Variants in ZHX2 observed in about 807,000 individuals in gnomAD.
The protein encoded by ZHX2 is zinc fingers and homeoboxes 2.
Under a neutral mutation model 21.9 loss-of-function variants are expected in ZHX2, and 6 were observed. That is an observed-to-expected ratio of 0.27 (90% CI 0.15 to 0.54). The LOEUF (loss-of-function observed/expected upper bound fraction) is 0.54, where lower values mean the gene tolerates loss of function less well. Among genes scored for constraint, ZHX2 ranks in the 20% least tolerant of loss-of-function variants. The probability of loss-of-function intolerance (pLI) is 0.95; values close to 1 mark genes in which losing one functional copy is unlikely to be tolerated. For missense variants in ZHX2, 908 were observed against 1,090.7 expected (o/e 0.83, Z 2.36); for synonymous variants, 434 against 437.1 (o/e 0.99, Z 0.09).
chr8:122,818,225 G>A (rs954183485), intron 1 of ZHX2, among the ~76,000 whole-genome samples: 3 of 151,616 alleles, frequency 2.0e-5, no homozygotes, highest in South Asian at 2.1e-4. Flanking sequence ...CTGGGTTTTT[G>A]TAAAGAGAGA....
intron 2 of ZHX2, among the ~76,000 whole-genome samples, chr8:122,948,156 G>A (rs1010975513): frequency 6.6e-6 from 1 of 152,158 alleles, no homozygotes; most frequent in Non-Finnish European, 1.5e-5. Flanking sequence ...AAGCAGGTGG[G>A]CGTGGGCCTA....
At chr8:122,967,363 C>G (rs1813609372) in intron 3 of ZHX2, among the ~76,000 whole-genome samples, 1 of 152,164 alleles carries the variant, frequency 6.6e-6, no homozygotes. Context: ...TTGCTCTCCC[C>G]CTTTCTCTAG....
At chr8:122,871,024 G>A (rs1819420636) in intron 2 of ZHX2, among the ~76,000 whole-genome samples, 2 of 152,206 alleles carry the variant, frequency 1.3e-5, no homozygotes, top group East Asian at 3.8e-4. Flanking sequence ...ATGAACCGGT[G>A]GAGCGGGCAG....
intron 3 of ZHX2, among the ~76,000 whole-genome samples, chr8:122,955,370 A>T (rs1730202083): frequency 6.6e-6 from 1 of 152,124 alleles, no homozygotes. Flanking sequence ...CAAAATATAA[A>T]ATAAAGGTAA....
At chr8:122,827,571 A>C (rs1397436815) in intron 1 of ZHX2, among the ~76,000 whole-genome samples, 3 of 152,168 alleles carry the variant, frequency 2.0e-5, no homozygotes, top group Non-Finnish European at 4.4e-5. Context: ...TAAGTAACAG[A>C]CCCAAGGTTA....
intron 2 of ZHX2, among the ~76,000 whole-genome samples, chr8:122,898,511 G>C (rs1161170325): frequency 6.6e-6 from 1 of 152,168 alleles, no homozygotes; most frequent in Non-Finnish European, 1.5e-5. Context: ...TCCAAAGTCA[G>C]AGGCAGAACT....
At chr8:122,853,598 G>A (rs918654171) in intron 1 of ZHX2, among the ~76,000 whole-genome samples, 1 of 152,110 alleles carries the variant, frequency 6.6e-6, no homozygotes, top group African/African-American at 2.4e-5. Context: ...GCTCAGCCAG[G>A]CTGCTCCTTT....
chr8:122,802,070 C>T (rs1817730644), intron 1 of ZHX2, among the ~76,000 whole-genome samples: 1 of 151,994 alleles, frequency 6.6e-6, no homozygotes. Context: ...CTGGAGTCAT[C>T]TTTTTTCTTT....
chr8:122,827,391 G>T (rs1465002485), intron 1 of ZHX2, among the ~76,000 whole-genome samples: 1 of 152,076 alleles, frequency 6.6e-6, no homozygotes, highest in East Asian at 1.9e-4. Flanking sequence ...TATAATTAAT[G>T]ATGATAACAA....
At chr8:122,810,722 G>A (rs776285764) in intron 1 of ZHX2, 1 of 152,034 alleles carries the variant, frequency 6.6e-6, no homozygotes, top group African/African-American at 2.4e-5. Flanking sequence ...CTGCAGAGTC[G>A]TGCCCATCAA....
At chr8:122,842,074 G>A (rs1156834771) in intron 1 of ZHX2, among the ~76,000 whole-genome samples, 2 of 152,258 alleles carry the variant, frequency 1.3e-5, no homozygotes, top group Non-Finnish European at 2.9e-5. Flanking sequence ...GGGGCACAGT[G>A]AGAAGGGCAC....
Position 122,955,548 on chromosome 8 carries a change from T to C in ZHX2, c.*4+1520T>C, listed in dbSNP as rs903674569. Among the ~76,000 whole-genome samples, 11 of 152,224 alleles carry C rather than the reference T, an allele frequency of 7.2e-5. 1 individual carries two copies. The highest frequency in any genetic ancestry group is 2.6e-4 in the Admixed American group (4 of 15,290). ...AAATGAAATTCTCTAGAAACCTTGT[T>C]TTAGCCAGTTCCATCCGCTATTAAA... On this transcript the variant is annotated intron_variant, in intron 3 of 3. Transcript: ENST00000314393.
chr8:122,890,495 G>A (rs11991911), intron 2 of ZHX2, among the ~76,000 whole-genome samples: 11,178 of 152,086 alleles, frequency 0.073, 1,210 homozygotes, highest in African/African-American at 0.24. Flanking sequence ...TCTGTGAAGA[G>A]TGTCATTGGT....
At chr8:122,802,980 C>T (rs151072556) in intron 1 of ZHX2, among the ~76,000 whole-genome samples, 10 of 136,868 alleles carry the variant, frequency 7.3e-5, no homozygotes, top group South Asian at 5.4e-4. Flanking sequence ...CCCCAGTTAG[C>T]GCTCTAGGGG....
chr8:122,873,438 AG>A (rs1227899434), intron 2 of ZHX2, among the ~76,000 whole-genome samples: 3 of 152,100 alleles, frequency 2.0e-5, no homozygotes, highest in African/African-American at 7.2e-5. Flanking sequence ...ACTCCCCTGC[AG>A]CCCCTGAGCT....
At chr8:122,813,052 C>T (rs1045730663) in intron 1 of ZHX2, among the ~76,000 whole-genome samples, 4 of 152,008 alleles carry the variant, frequency 2.6e-5, no homozygotes, top group African/African-American at 4.8e-5. Flanking sequence ...AAAAGTTAGC[C>T]GGACGTGGCG....
intron 2 of ZHX2, among the ~76,000 whole-genome samples, chr8:122,941,675 A>AAT (rs1189010316): frequency 5.3e-5 from 8 of 152,210 alleles, no homozygotes; most frequent in Admixed American, 2.6e-4. Context: ...AAAAAAAAAA[A>AAT]AAAATGTAGC....
At chr8:122,872,056 A>T (rs112965300) in intron 2 of ZHX2, among the ~76,000 whole-genome samples, 1 of 152,156 alleles carries the variant, frequency 6.6e-6, no homozygotes, top group East Asian at 1.9e-4. Context: ...CTGCTGTCCT[A>T]TGAAAAATCA....
chr8:122,866,989 AT>A (rs11339473), intron 2 of ZHX2, among the ~76,000 whole-genome samples: 55,459 of 143,330 alleles, frequency 0.39, 10,671 homozygotes, highest in African/African-American at 0.5. Flanking sequence ...CATGCCAGCT[AT>A]TTTTTTTTTT....
Sources: allele counts gnomAD v4.1 joint callset (sites outside exome capture counted in the v4.1 genomes callset), GRCh38; gene constraint gnomAD v4.1.1; transcripts MANE v1.5; gene names NCBI Gene and HGNC (gene_info 2026-07-23, HGNC 2026-07-21).